The following NRXN2 variants were observed in gnomAD, a reference collection of about 807,000 sequenced individuals.
NRXN2 encodes the protein neurexin 2, also known as neurexin-2-beta.
A neutral mutation model predicts 128.8 loss-of-function variants in NRXN2; 29 were observed. The ratio of observed to expected loss-of-function variants is 0.23; its 90% CI spans 0.17 to 0.31. The LOEUF is 0.31. NRXN2 is among the 10% of genes least tolerant of loss of function. NRXN2 has a pLI of 1.00. For missense variants in NRXN2, 1,881 were observed against 2,452.6 expected (o/e 0.77, Z 4.92); for synonymous variants, 1,098 against 1,075.2 (o/e 1.02, Z -0.41).
intron 22 of NRXN2, 114 bp downstream of exon 22, chr11:64,620,180 A>G: frequency 1.3e-6 from 1 of 787,978 alleles, no homozygotes; most frequent in Non-Finnish European, 2.2e-6. Context: ...TATCAGGGAA[A>G]GCTAAGGCCT....
At chr11:64,650,678 G>A (rs745466618) in intron 14 of NRXN2, 40 bp from the exon 15 acceptor site, 1 of 1,591,184 alleles carries the variant, frequency 6.3e-7, no homozygotes, top group South Asian at 1.1e-5. Flanking sequence ...TCAGGGCGGG[G>A]GTGATGCTGG....
At chr11:64,717,679 T>C in intron 1 of NRXN2, among the ~76,000 whole-genome samples, 1 of 152,252 alleles carries the variant, frequency 6.6e-6, no homozygotes, top group East Asian at 1.9e-4. Flanking sequence ...GCTGCAAGCT[T>C]TGGGCTCCGT....
chr11:64,716,011 C>T (rs1209237019), intron 1 of NRXN2, among the ~76,000 whole-genome samples: 1 of 152,116 alleles, frequency 6.6e-6, no homozygotes, highest in Non-Finnish European at 1.5e-5. Flanking sequence ...TAAGCTTTCC[C>T]TCTTTTCCAG....
At chr11:64,620,095 T>C (rs2042093115) in intron 22 of NRXN2, among the ~76,000 whole-genome samples, 199 bp downstream of exon 22, 1 of 152,174 alleles carries the variant, frequency 6.6e-6, no homozygotes, top group African/African-American at 2.4e-5. Context: ...TCACTACCTC[T>C]GAGGGGCTGG....
Position 64,635,027 on chromosome 11 carries a change from T to C in NRXN2, c.3585+244A>G, listed in dbSNP as rs192575104. On this transcript the variant is annotated intron_variant, in intron 18 of 22. Transcript: ENST00000265459. This position sits in a 1 kb window ranked among gnomAD's most constrained non-coding sequence, Gnocchi z 4.8. ...AGAAAACACAGGTGGTCTCAGGGAGTGGGGAGCTGGAGAAATTCGAATCAG... is the reference window on the plus strand; with the variant it reads ...AGAAAACACAGGTGGTCTCAGGGAGCGGGGAGCTGGAGAAATTCGAATCAG... 1.3e-3 allele frequency among the ~76,000 whole-genome samples: 191 copies of C among 151,256 alleles called. 1 individual carries two copies. Among genetic ancestry groups the C allele is most frequent in the Non-Finnish European group, 7.2e-4 (49 of 67,794 alleles).
chr11:64,606,453 AC>A lies in NRXN2; in HGVS notation c.*742del, dbSNP rs2039656831. The A allele has an allele frequency of 3.0e-5, 1 of 32,840 alleles. No homozygotes were observed. The highest frequency in any genetic ancestry group is 6.3e-5 in the Non-Finnish European group (1 of 15,912). The allele number at this position is 32,840 out of a possible 1,614,324, so 2.0% of individuals were successfully genotyped here. On this transcript the variant is annotated 3_prime_UTR_variant, in exon 23 of 23. Coordinates refer to ENST00000265459, the MANE Select transcript of NRXN2 (RefSeq NM_015080.4). ...GCCTTTCCCCTCCCTCCCACCCCCC[AC>A]CCCTGCTCCTCCAGCAGCTTCCCCA...
intron 17 of NRXN2, chr11:64,643,192 C>A (rs2046027496): frequency 1.0e-6 from 1 of 975,202 alleles, no homozygotes; most frequent in Admixed American, 6.4e-5. Flanking sequence ...CGAGGGAAAT[C>A]CTGCGGAAAA....
chr11:64,634,353 G>C (rs1346289885), intron 18 of NRXN2, among the ~76,000 whole-genome samples: 1 of 152,218 alleles, frequency 6.6e-6, no homozygotes, highest in Non-Finnish European at 1.5e-5. Flanking sequence ...CAGGGGAGAG[G>C]TTGAGACCAG....
intron 3 of NRXN2, among the ~76,000 whole-genome samples, chr11:64,696,528 TACACACACACACACAC>T (rs58158687): frequency 7.2e-6 from 1 of 138,864 alleles, no homozygotes; most frequent in Non-Finnish European, 1.6e-5. Flanking sequence ...CATACATACA[TACACACACACACACAC>T]ACACACACAC....
Position 64,713,489 on chromosome 11 carries a change from C to G in NRXN2, c.211G>C (p.Asp71His), listed in dbSNP as rs762854242. Residue 71 changes from aspartate (D) to histidine (H), a missense_variant, in exon 2 of 23, where the codon GAC (aspartate) becomes CAC (histidine). Coordinates refer to ENST00000265459, the MANE Select transcript of NRXN2 (RefSeq NM_015080.4). The part of the protein sequence containing the change: ...ATRALLLYLD[D>H]GGDCDFLELL... Reference sequence around the variant, plus strand: ...TCCAGGAAGTCGCAGTCGCCGCCGTCGTCCAGGTAGAGCAGCAGCGCGCGC... The same window carrying G: ...TCCAGGAAGTCGCAGTCGCCGCCGTGGTCCAGGTAGAGCAGCAGCGCGCGC... 1 of 1,532,588 alleles carries G rather than the reference C, an allele frequency of 6.5e-7. No individual in the cohort carries two copies. The highest frequency in any genetic ancestry group is 2.6e-5 in the East Asian group (1 of 39,210). The allele number at this position is 1,532,588 out of a possible 1,614,324, so 94.9% of individuals were successfully genotyped here. A position where few individuals can be genotyped will look rare whatever the true frequency, so the allele number is the denominator to read the frequency against.
In NRXN2 at chr11:64,697,506, G is replaced by A. The variant is rs528392883; in HGVS notation, c.748+269C>T. 1.2e-4 allele frequency among the ~76,000 whole-genome samples: 19 copies of A among 152,056 alleles called. 2 individuals are homozygous for A. The highest frequency in any genetic ancestry group is 9.2e-4 in the Admixed American group (14 of 15,290). ...TCAGCCCCATCCCTCCACCCCCACCGCTCATCTCTTCCCTAAGTTTCCCTT... is the reference window on the plus strand; with the variant it reads ...TCAGCCCCATCCCTCCACCCCCACCACTCATCTCTTCCCTAAGTTTCCCTT... On this transcript the variant is annotated intron_variant, in intron 3 of 22. Transcript: ENST00000265459.
Position 64,622,350 on chromosome 11 carries a change from C to CTGTGTGGGAG in NRXN2, c.4173+402_4173+403insCTCCCACACA, listed in dbSNP as rs1294156738. The stretch of plus-strand genomic sequence containing the variant: ...ACAGCAGGGCCAGCCTGGTACCATC[C>CTGTGTGGGAG]ATCTCCCACTCTCTGCCCACACAGA... On this transcript the variant is annotated intron_variant, in intron 21 of 22. Coordinates refer to ENST00000265459, the MANE Select transcript of NRXN2 (RefSeq NM_015080.4). This position sits in a 1 kb window ranked among gnomAD's most constrained non-coding sequence, Gnocchi z 4.3. 6.6e-6 allele frequency among the ~76,000 whole-genome samples: 1 copy of CTGTGTGGGAG among 152,202 alleles called. No individual in the cohort carries two copies. Among genetic ancestry groups the CTGTGTGGGAG allele is most frequent in the African/African-American group, 2.4e-5 (1 of 41,446 alleles).
intron 6 of NRXN2, among the ~76,000 whole-genome samples, chr11:64,680,353 T>C (rs899879563): frequency 2.6e-5 from 4 of 152,074 alleles, no homozygotes; most frequent in Admixed American, 2.6e-4. Flanking sequence ...CACTTGCACA[T>C]AAGAGGGACC....
chr11:64,712,127 T>C (rs1020632730), intron 2 of NRXN2, among the ~76,000 whole-genome samples: 1 of 151,824 alleles, frequency 6.6e-6, no homozygotes, highest in Non-Finnish European at 1.5e-5. Flanking sequence ...CCCTGTCTCG[T>C]AGGCCCTGCC....
At position 64,692,894 on chromosome 11, in the gene NRXN2, GAGAAAGAA is replaced by G; in HGVS notation, c.749-26_749-19del. 2 of 1,596,432 alleles carry G rather than the reference GAGAAAGAA, an allele frequency of 1.3e-6. No individual in the cohort carries two copies. Among genetic ancestry groups the G allele is most frequent in the Non-Finnish European group, 1.7e-6 (2 of 1,165,928 alleles). On this transcript the variant is annotated intron_variant, in intron 3 of 22. Transcript: ENST00000265459. The stretch of plus-strand genomic sequence containing the variant: ...AGCCGGACCTTGGAAAGGGGAAGGA[GAGAAAGAA>G]AGAAAGAAAAAAAGAAGAAGAAAAA...
chr11:64,629,213 C>T (rs903294392), intron 19 of NRXN2, among the ~76,000 whole-genome samples: 3 of 152,182 alleles, frequency 2.0e-5, no homozygotes, highest in Non-Finnish European at 2.9e-5. Flanking sequence ...TGATGGAGGT[C>T]GCAGATGCTC....
intron 22 of NRXN2, among the ~76,000 whole-genome samples, chr11:64,618,339 G>T (rs918270961): frequency 6.6e-6 from 1 of 152,168 alleles, no homozygotes; most frequent in African/African-American, 2.4e-5. Flanking sequence ...CCTCTGCAGG[G>T]TGCAGGGAAA....
chr11:64,612,424 T>C (rs553753235), intron 22 of NRXN2, among the ~76,000 whole-genome samples: 1 of 152,156 alleles, frequency 6.6e-6, no homozygotes, highest in South Asian at 2.1e-4. Flanking sequence ...ATTTGGAAAA[T>C]ACTCACAGGT....
Position 64,713,532 on chromosome 11 carries a change from G to A in NRXN2, c.168C>T (p.Ser56=). Residue 56 remains serine, a synonymous_variant, in exon 2 of 23, where the codon AGC becomes AGT. Transcript: ENST00000265459. ...GCGCGCGCGTGGCGTTGGTGCGCAG[G>A]CTGAAGCTGAGCTCGCCGCTGCTCG... is the stretch of plus-strand genomic sequence containing the variant. ...GAASSGELSF[S]LRTNATRALL... is the part of the protein sequence containing the mutation. 3 of 1,486,784 alleles carry A rather than the reference G, an allele frequency of 2.0e-6. No homozygotes were observed. Among genetic ancestry groups the A allele is most frequent in the South Asian group, 1.3e-5 (1 of 79,534 alleles). The allele number at this position is 1,486,784 out of a possible 1,614,324, so 92.1% of individuals were successfully genotyped here.
Sources: allele counts gnomAD v4.1 joint callset (sites outside exome capture counted in the v4.1 genomes callset), GRCh38; gene constraint gnomAD v4.1.1; non-coding constraint Gnocchi (gnomAD v3.1); transcripts MANE v1.5; gene names NCBI Gene and HGNC (gene_info 2026-07-23, HGNC 2026-07-21).